Variants in CCDC18 observed in about 807,000 individuals in gnomAD.
CCDC18 encodes the protein coiled-coil domain containing 18, also known as coiled-coil domain-containing protein 18.
Under a neutral mutation model 196.0 loss-of-function variants are expected in CCDC18, and 157 were observed. The observed-to-expected ratio is 0.80, with a 90% CI of 0.70 to 0.91. CCDC18 has a LOEUF of 0.91. Among genes scored for constraint, CCDC18 ranks in the 40% least tolerant of loss-of-function variants. CCDC18 has a pLI of 0.00. For synonymous variants in CCDC18, 482 were observed against 529.2 expected, an observed-to-expected ratio of 0.91 and a Z score of 1.22; for missense variants, 1,465 against 1,611.6, an observed-to-expected ratio of 0.91 and a Z score of 1.56.
intron 4 of CCDC18, among the ~76,000 whole-genome samples, chr1:93,188,303 C>T (rs967499811): frequency 3.9e-5 from 6 of 152,334 alleles, no homozygotes; most frequent in Non-Finnish European, 7.4e-5. Flanking sequence ...CTTCTGGAGC[C>T]TGGCATCCTG....
In CCDC18 at chr1:93,253,112, G is replaced by A. The variant is rs180988134; in HGVS notation, c.3199-1359G>A. On this transcript the variant is annotated intron_variant, in intron 23 of 28. Transcript: ENST00000690025. ...TCTTGGGATATATTGTGGAATGGAG[G>A]CTGAAGAGCCCAGTCTCAGCTTAGA... Among the ~76,000 whole-genome samples, 444 of 152,312 alleles carry A rather than the reference G, an allele frequency of 2.9e-3. 4 individuals are homozygous for A. Among genetic ancestry groups the A allele is most frequent in the Non-Finnish European group, 5.2e-3 (353 of 68,020 alleles).
intron 21 of CCDC18, among the ~76,000 whole-genome samples, chr1:93,242,483 A>C (rs1168204104): frequency 6.6e-6 from 1 of 152,164 alleles, no homozygotes; most frequent in Non-Finnish European, 1.5e-5. Context: ...ATTCAAGATG[A>C]GATTTGGATG....
chr1:93,271,596 AG>A (rs1317632439), intron 28 of CCDC18: 5 of 931,602 alleles, frequency 5.4e-6, no homozygotes, highest in African/African-American at 1.8e-5. Flanking sequence ...GCTATCCAGG[AG>A]GCTGAGGCAG....
chr1:93,258,953 T>G, intron 26 of CCDC18, 68 bp downstream of exon 26: 1 of 1,322,614 alleles, frequency 7.6e-7, no homozygotes, highest in Non-Finnish European at 1.0e-6. Context: ...GACAAAAGTA[T>G]GAGTCCAGCT....
intron 27 of CCDC18, chr1:93,269,582 AG>A (rs1301492409): frequency 2.0e-5 from 3 of 152,206 alleles, no homozygotes; most frequent in African/African-American, 7.2e-5. Context: ...CTTTAAGAAT[AG>A]AAACTATCAG....
At chr1:93,180,378 G>GCGA (rs1649314019), upstream of CCDC18, 1 of 1,253,476 alleles carries the variant, frequency 8.0e-7, no homozygotes, top group Non-Finnish European at 1.1e-6. Flanking sequence ...CGCGGCGGCG[G>GCGA]CGAACACTCC....
upstream of CCDC18, chr1:93,180,539 C>T (rs754123269): frequency 6.6e-7 from 1 of 1,506,714 alleles, no homozygotes; most frequent in Non-Finnish European, 8.9e-7. Flanking sequence ...CCATGGCTTC[C>T]CCCACCAATG....
At chr1:93,254,388 A>T in intron 23 of CCDC18, 83 bp from the exon 24 acceptor site, 1 of 1,069,016 alleles carries the variant, frequency 9.4e-7, no homozygotes, top group East Asian at 2.5e-5. Flanking sequence ...TGAGTGTTTA[A>T]AGCTTGACTT....
chr1:93,213,163 C>T (rs927425355), intron 11 of CCDC18, among the ~76,000 whole-genome samples: 2 of 152,028 alleles, frequency 1.3e-5, no homozygotes, highest in African/African-American at 4.8e-5. Context: ...CATTCGCCTG[C>T]CACTCACCTC....
chr1:93,207,441 A>C, intron 9 of CCDC18, 43 bp downstream of exon 9: 1 of 1,423,560 alleles, frequency 7.0e-7, no homozygotes, highest in East Asian at 2.3e-5. Flanking sequence ...GAATTTTACT[A>C]AAGTGTTTTA....
At chr1:93,189,139 C>G (rs1651271893) in intron 4 of CCDC18, among the ~76,000 whole-genome samples, 3 of 152,130 alleles carry the variant, frequency 2.0e-5, no homozygotes, top group Admixed American at 2.0e-4. Context: ...CCCTTCCCGG[C>G]CTCTGGTAAC....
chr1:93,259,046 GGGGTT>G (rs1428375133), intron 26 of CCDC18, among the ~76,000 whole-genome samples, 161 bp downstream of exon 26: 3 of 152,058 alleles, frequency 2.0e-5, no homozygotes, highest in Non-Finnish European at 4.4e-5. Flanking sequence ...AATATACTGT[GGGGTT>G]AAGAGCTTGA....
In CCDC18 at chr1:93,229,561, T is replaced by A. The variant is rs552187245; in HGVS notation, c.2293-2865T>A. 4.6e-5 allele frequency among the ~76,000 whole-genome samples: 7 copies of A among 152,352 alleles called. No homozygotes were observed. In the South Asian group the frequency reaches 1.4e-3, roughly 32 times the overall value. ...AATCAGGGAATATGCCCCAATCATA[T>A]AACTCACTGAATAATTAAGTGGCCC... On this transcript the variant is annotated intron_variant, in intron 17 of 28. Transcript: ENST00000690025.
At chr1:93,264,974 T>A in intron 27 of CCDC18, 73 bp downstream of exon 27, 1 of 1,070,118 alleles carries the variant, frequency 9.3e-7, no homozygotes, top group Non-Finnish European at 1.4e-6. Context: ...CCTGTCTTAG[T>A]AGTTTATAGA....
At chr1:93,227,972 AT>A (rs1404984100) in intron 17 of CCDC18, among the ~76,000 whole-genome samples, 607 of 56,584 alleles carry the variant, frequency 0.011, no homozygotes, top group Middle Eastern at 0.015. Context: ...AAAAAAAAAA[AT>A]ATATATATAT....
intron 11 of CCDC18, 124 bp downstream of exon 11, chr1:93,212,385 T>C (rs1433754978): frequency 3.7e-6 from 2 of 535,318 alleles, no homozygotes; most frequent in Non-Finnish European, 6.2e-6. Flanking sequence ...GCAGATTTGT[T>C]ACATAGGTAA....
chr1:93,237,104 T>C (rs1349175373), intron 19 of CCDC18, among the ~76,000 whole-genome samples: 1 of 152,182 alleles, frequency 6.6e-6, no homozygotes, highest in African/African-American at 2.4e-5. Context: ...TAAAACCACA[T>C]GTCCCCAGGT....
intron 18 of CCDC18, among the ~76,000 whole-genome samples, chr1:93,235,710 ATAG>A (rs1025717844): frequency 6.6e-6 from 1 of 152,110 alleles, no homozygotes; most frequent in Non-Finnish European, 1.5e-5. Flanking sequence ...GAAAGAGGAG[ATAG>A]TAGTATGAAG....
chr1:93,262,695 A>G (rs1197488694), intron 26 of CCDC18, among the ~76,000 whole-genome samples: 1 of 152,120 alleles, frequency 6.6e-6, no homozygotes, highest in Non-Finnish European at 1.5e-5. Flanking sequence ...GCACGGTGCA[A>G]GCTGTTGGTG....
Sources: allele counts gnomAD v4.1 joint callset (sites outside exome capture counted in the v4.1 genomes callset), GRCh38; gene constraint gnomAD v4.1.1; transcripts MANE v1.5; gene names NCBI Gene and HGNC (gene_info 2026-07-23, HGNC 2026-07-21).